The following POPDC1 variants were observed in gnomAD, a reference collection of about 807,000 sequenced individuals.
POPDC1 encodes popeye domain-containing protein 1.
chr6:105,119,576 G>A, the POPDC1 span, among the ~76,000 whole-genome samples: 1 of 152,146 alleles, frequency 6.6e-6, no homozygotes, highest in Non-Finnish European at 1.5e-5. Context: ...AAGTGAGCAT[G>A]GTGTCCTCAT....
the POPDC1 span, chr6:105,133,420 G>T: frequency 6.2e-7 from 1 of 1,613,704 alleles, no homozygotes; most frequent in Non-Finnish European, 8.5e-7. Flanking sequence ...CAACCCAACT[G>T]CAAAACAAAT....
At chr6:105,131,963 T>A in the POPDC1 span, among the ~76,000 whole-genome samples, 1 of 148,946 alleles carries the variant, frequency 6.7e-6, no homozygotes, top group African/African-American at 2.5e-5. Context: ...TTGTCATTTA[T>A]CACTTTTTTT....
chr6:105,129,553 G>A, the POPDC1 span: 1 of 1,553,860 alleles, frequency 6.4e-7, no homozygotes, highest in African/African-American at 1.4e-5. Context: ...GAGCCTAAGT[G>A]GGGAGCTTAA....
the POPDC1 span, among the ~76,000 whole-genome samples, chr6:105,113,798 C>T: frequency 6.8e-6 from 1 of 146,830 alleles, no homozygotes; most frequent in Non-Finnish European, 1.5e-5. Context: ...AACTACAGGC[C>T]TGCACCACGA....
At chr6:105,102,941 C>T in the POPDC1 span, among the ~76,000 whole-genome samples, 1 of 152,192 alleles carries the variant, frequency 6.6e-6, no homozygotes, top group African/African-American at 2.4e-5. Flanking sequence ...TGAATGACAA[C>T]TATTGACATA....
At chr6:105,133,685 A>G in the POPDC1 span, 1 of 829,796 alleles carries the variant, frequency 1.2e-6, no homozygotes, top group Non-Finnish European at 1.9e-6. Flanking sequence ...TGTGAATTAA[A>G]TAGACTTCTC....
chr6:105,133,337 A>C, the POPDC1 span: 1 of 1,577,380 alleles, frequency 6.3e-7, no homozygotes, highest in Non-Finnish European at 8.7e-7. Flanking sequence ...ATAAAGTATC[A>C]GTTAGGTATC....
At chr6:105,121,793 C>T in the POPDC1 span, among the ~76,000 whole-genome samples, 1 of 152,202 alleles carries the variant, frequency 6.6e-6, no homozygotes, top group Non-Finnish European at 1.5e-5. Context: ...ATTGAGTCCA[C>T]TTGCCTTCTC....
the POPDC1 span, chr6:105,096,858 T>C: frequency 6.6e-6 from 1 of 152,632 alleles, no homozygotes. Context: ...CAAATGGCAA[T>C]ATATGAAGAT....
chr6:105,125,625 C>T, the POPDC1 span: 1 of 1,558,740 alleles, frequency 6.4e-7, no homozygotes, highest in East Asian at 2.2e-5. Context: ...AGCAGCAATC[C>T]CAAAACACTG....
At chr6:105,110,169 C>T in the POPDC1 span, among the ~76,000 whole-genome samples, 1 of 152,136 alleles carries the variant, frequency 6.6e-6, no homozygotes, top group Non-Finnish European at 1.5e-5. Context: ...AAACACCCAC[C>T]TCGTAGGGTG....
chr6:105,122,265 C>A, the POPDC1 span, among the ~76,000 whole-genome samples: 4 of 152,318 alleles, frequency 2.6e-5, no homozygotes, highest in Admixed American at 2.6e-4. Context: ...CCACACGAGA[C>A]TCTATGCAGA....
the POPDC1 span, among the ~76,000 whole-genome samples, chr6:105,130,127 A>G: frequency 6.6e-6 from 1 of 152,236 alleles, no homozygotes; most frequent in South Asian, 2.1e-4. Context: ...TAAGAAAGCC[A>G]TTAAATATCA....
At chr6:105,100,244 TCAC>T in the POPDC1 span, 1 of 150,858 alleles carries the variant, frequency 6.6e-6, no homozygotes, top group Non-Finnish European at 1.5e-5. Context: ...GCGCGGTGGC[TCAC>T]GCCTGTAATC....
the POPDC1 span, among the ~76,000 whole-genome samples, chr6:105,105,322 T>C: frequency 6.6e-6 from 1 of 152,194 alleles, no homozygotes; most frequent in Non-Finnish European, 1.5e-5. Flanking sequence ...ACCCCTCGCT[T>C]GGAATTAGAA....
At chr6:105,125,955 T>C in the POPDC1 span, among the ~76,000 whole-genome samples, 1 of 151,864 alleles carries the variant, frequency 6.6e-6, no homozygotes, top group South Asian at 2.1e-4. Flanking sequence ...GCACTTTCAG[T>C]GGTCACGCCT....
At chr6:105,108,879 C>A in the POPDC1 span, among the ~76,000 whole-genome samples, 1 of 152,172 alleles carries the variant, frequency 6.6e-6, no homozygotes, top group Non-Finnish European at 1.5e-5. Flanking sequence ...TATAACTTGA[C>A]CGTTTCAAAG....
chr6:105,101,921 C>T, the POPDC1 span, among the ~76,000 whole-genome samples: 1 of 152,298 alleles, frequency 6.6e-6, no homozygotes, highest in East Asian at 1.9e-4. Flanking sequence ...AAGCATCTAC[C>T]ATATAATGGA....
At chr6:105,120,418 G>C in the POPDC1 span, among the ~76,000 whole-genome samples, 1 of 152,048 alleles carries the variant, frequency 6.6e-6, no homozygotes, top group Non-Finnish European at 1.5e-5. Flanking sequence ...TGTCACAACA[G>C]TCAAGCAAAG....
Sources: allele counts gnomAD v4.1 joint callset (sites outside exome capture counted in the v4.1 genomes callset), GRCh38; gene constraint gnomAD v4.1.1; transcripts MANE v1.5; gene names NCBI Gene and HGNC (gene_info 2026-07-23, HGNC 2026-07-21).